The following PKM variants were observed in gnomAD, a reference collection of about 807,000 sequenced individuals.
The protein encoded by PKM is pyruvate kinase PKM.
A neutral mutation model predicts 49.8 loss-of-function variants in PKM; 18 were observed. The observed-to-expected ratio is 0.36, with a 90% CI of 0.25 to 0.54. The LOEUF (loss-of-function observed/expected upper bound fraction) is 0.54, where lower values mean the gene tolerates loss of function less well. PKM is among the 20% of genes least tolerant of loss of function. The pLI is 0.89. For missense variants in PKM, 508 were observed against 713.8 expected, an observed-to-expected ratio of 0.71 and a Z score of 3.28; for synonymous variants, 239 against 261.8, an observed-to-expected ratio of 0.91 and a Z score of 0.84.
intron 2 of PKM, among the ~76,000 whole-genome samples, chr15:72,218,129 TC>T (rs2082420377): frequency 6.6e-6 from 1 of 151,904 alleles, no homozygotes; most frequent in Non-Finnish European, 1.5e-5. Context: ...TCTTTTTTCT[TC>T]CTTTTTTTTT....
At chr15:72,218,918 T>C (rs544451163) in intron 2 of PKM, 26 bp downstream of exon 2, 3 of 1,613,690 alleles carry the variant, frequency 1.9e-6, no homozygotes, top group African/African-American at 2.7e-5. Context: ...AAGCCCTTTT[T>C]TGGGGGAAGG....
chr15:72,225,120 TACAG>T (rs1467083055), intron 1 of PKM, among the ~76,000 whole-genome samples: 13 of 143,950 alleles, frequency 9.0e-5, no homozygotes, highest in African/African-American at 1.8e-4. Flanking sequence ...GTATTTTTAG[TACAG>T]ACGGGGTTTC....
At chr15:72,207,359 T>C (rs2082113223) in intron 6 of PKM, 82 bp from the exon 7 acceptor site, 1 of 1,233,490 alleles carries the variant, frequency 8.1e-7, no homozygotes, top group Admixed American at 1.7e-5. Context: ...TTCCCTGGGA[T>C]TCCCTAACTT....
chr15:72,230,983 T>C (rs753004710), intron 1 of PKM, 133 bp downstream of exon 1: 16 of 1,282,956 alleles, frequency 1.2e-5, no homozygotes, highest in South Asian at 4.9e-5. Flanking sequence ...TGAGCTCCAC[T>C]GCATCCCAGA....
In PKM at chr15:72,202,225, T is replaced by C. The variant is rs2081962227; in HGVS notation, c.1307+229A>G. ...TTATGTAATAAATCTCCAGCATAAA[T>C]TTGCTTTTGATCCAAATGTTCTGAC... On this transcript the variant is annotated intron_variant, in intron 9 of 10. Coordinates refer to ENST00000335181, the MANE Select transcript of PKM (RefSeq NM_002654.6). This position sits in a 1 kb window ranked among gnomAD's most constrained non-coding sequence, Gnocchi z 4.5. The C allele has an allele frequency of 1.7e-6, 1 of 583,640 alleles. No individual in the cohort carries two copies. Among genetic ancestry groups the C allele is most frequent in the Non-Finnish European group, 3.1e-6 (1 of 325,978 alleles). The allele number at this position is 583,640 out of a possible 1,614,324, so 36.2% of individuals were successfully genotyped here.
intron 1 of PKM, chr15:72,229,694 C>G: frequency 8.1e-7 from 1 of 1,228,648 alleles, no homozygotes; most frequent in Non-Finnish European, 1.1e-6. Flanking sequence ...CCCAGCATTA[C>G]AGGAGATACA....
chr15:72,200,547 C>A lies in PKM; in HGVS notation c.1416G>T (p.Val472=), dbSNP rs753978705. ...CCTCCTGGACTGGGTCCTTGCACAG[C>A]ACAGGGAAGATGCCACGGTACAGGT... is the stretch of plus-strand genomic sequence containing the variant. ...QAHLYRGIFP[V]LCKDPVQEAW... Residue 472 remains valine, a synonymous_variant, in exon 10 of 11, where the codon GTG becomes GTT. Coordinates refer to ENST00000335181, the MANE Select transcript of PKM (RefSeq NM_002654.6). The surrounding 1 kb of genome is among the most constrained non-coding windows in gnomAD (Gnocchi z 4.6). 2 of 1,614,026 alleles carry A rather than the reference C, an allele frequency of 1.2e-6. No individual in the cohort carries two copies. Among genetic ancestry groups the A allele is most frequent in the Non-Finnish European group, 1.7e-6 (2 of 1,179,922 alleles).
chr15:72,207,318 G>C, intron 6 of PKM, 41 bp from the exon 7 acceptor site: 1 of 1,584,148 alleles, frequency 6.3e-7, no homozygotes, highest in East Asian at 2.2e-5. Context: ...ATATAGAACA[G>C]AGGCCACAAG....
rs766461990 is a variant in PKM, at chr15:72,207,117, G to T, written c.987+10C>A. On this transcript the variant is annotated intron_variant, in intron 7 of 10. Transcript: ENST00000335181. Reference sequence around the variant, plus strand: ...TGCACATGAGAATGTGGGGAAGGGTGGGCACATGCCTGAGTAGCACAGATG... The same window carrying T: ...TGCACATGAGAATGTGGGGAAGGGTTGGCACATGCCTGAGTAGCACAGATG... 6.2e-7 allele frequency: 1 copy of T among 1,613,108 alleles called. No homozygotes were observed. Among genetic ancestry groups the T allele is most frequent in the South Asian group, 1.1e-5 (1 of 91,034 alleles).
At chr15:72,211,318 C>T (rs1351215723) in intron 3 of PKM, among the ~76,000 whole-genome samples, 2 of 152,238 alleles carry the variant, frequency 1.3e-5, no homozygotes, top group African/African-American at 2.4e-5. Context: ...CCGCCCACCT[C>T]GGCCTCCCAA....
chr15:72,212,850 T>A (rs2082288697), intron 3 of PKM, among the ~76,000 whole-genome samples: 1 of 152,052 alleles, frequency 6.6e-6, no homozygotes. Flanking sequence ...GGAGGGGGGA[T>A]CACAAGGTCA....
rs760211346 is a variant in PKM at position 72,206,741 on chromosome 15, C to T, written c.1127G>A (p.Arg376His). 1.4e-5 allele frequency: 23 copies of T among 1,613,016 alleles called. No homozygotes were observed. Among genetic ancestry groups the T allele is most frequent in the African/African-American group, 2.7e-5 (2 of 74,898 alleles). Residue 376 changes from arginine (R) to histidine (H), a missense_variant, in exon 8 of 11, where the codon CGC becomes CAC. Physicochemically the swap from Arg to His is conservative, Grantham distance 29. Coordinates refer to ENST00000335181, the MANE Select transcript of PKM (RefSeq NM_002654.6). ...AKGDYPLEAV[R>H]MQHLIAREAE... is the part of the protein sequence containing the mutation. ...CCCAGAACTCACCAGGTGCTGCATG[C>T]GCACAGCCTCCAGAGGATAGTCCCC... is the stretch of plus-strand genomic sequence containing the variant.
At chr15:72,213,032 G>A (rs1041565936) in intron 3 of PKM, among the ~76,000 whole-genome samples, 8 of 151,894 alleles carry the variant, frequency 5.3e-5, no homozygotes, top group Non-Finnish European at 1.2e-4. Context: ...CCGAGATCGT[G>A]CCACTGCATT....
intron 1 of PKM, among the ~76,000 whole-genome samples, chr15:72,222,683 C>A (rs1034179452): frequency 6.6e-6 from 1 of 152,168 alleles, no homozygotes; most frequent in Non-Finnish European, 1.5e-5. Flanking sequence ...GGAAGCCTGG[C>A]GTATCCACTG....
rs2081958738 is a variant in PKM, at chr15:72,202,080, C to A, written c.1307+374G>T. 3.5e-6 allele frequency: 1 copy of A among 284,594 alleles called. No individual in the cohort carries two copies. Among genetic ancestry groups the A allele is most frequent in the Non-Finnish European group, 6.9e-6 (1 of 145,756 alleles). 17.6% of individuals were successfully genotyped at this position (284,594 alleles called of 1,614,324 possible). On this transcript the variant is annotated intron_variant, in intron 9 of 10. Coordinates refer to ENST00000335181, the MANE Select transcript of PKM (RefSeq NM_002654.6). The surrounding 1 kb of genome is among the most constrained non-coding windows in gnomAD (Gnocchi z 4.5). ...AACAGCATTTAAATAAATTCATTTC[C>A]CAACTGAAATTTTTAAAGAGCACAT... is the stretch of plus-strand genomic sequence containing the variant.
intron 3 of PKM, among the ~76,000 whole-genome samples, chr15:72,212,573 A>C (rs1256930026): frequency 6.6e-6 from 1 of 152,228 alleles, no homozygotes; most frequent in African/African-American, 2.4e-5. Flanking sequence ...GAGTAAAAGA[A>C]TACATGAAGT....
intron 1 of PKM, 150 bp from the exon 2 acceptor site, chr15:72,219,260 T>C (rs1235779305): frequency 3.0e-6 from 2 of 673,224 alleles, no homozygotes; most frequent in East Asian, 2.6e-5. Flanking sequence ...TCTGGTTATG[T>C]GGGTGCTCCT....
chr15:72,224,617 G>C (rs2082611929), intron 1 of PKM, among the ~76,000 whole-genome samples: 1 of 152,096 alleles, frequency 6.6e-6, no homozygotes, highest in African/African-American at 2.4e-5. Flanking sequence ...AATCCCAACA[G>C]TTTGAAAGGC....
chr15:72,217,197 A>AG (rs1207940479), intron 3 of PKM, among the ~76,000 whole-genome samples: 2 of 152,198 alleles, frequency 1.3e-5, no homozygotes, highest in Non-Finnish European at 2.9e-5. Context: ...CCAGCAACAA[A>AG]GGGGGTCCTT....
Sources: gnomAD v4.1 joint callset for allele counts (sites outside exome capture counted in the v4.1 genomes callset) on GRCh38, gnomAD v4.1.1 for gene constraint, Gnocchi (gnomAD v3.1) non-coding constraint, MANE v1.5 for transcripts, NCBI Gene and HGNC (gene_info 2026-07-23, HGNC 2026-07-21) for gene names.